The following KHSRP variants were observed in gnomAD, a reference collection of about 807,000 sequenced individuals.
KHSRP encodes the protein far upstream element-binding protein 2.
A neutral mutation model predicts 94.9 loss-of-function variants in KHSRP; 13 were observed. That is an observed-to-expected ratio of 0.14 (90% confidence interval 0.09 to 0.22). The LOEUF is 0.22. KHSRP is among the 10% of genes least tolerant of loss of function. KHSRP has a pLI of 1.00. For missense variants in KHSRP, 710 were observed against 1,010.0 expected, an observed-to-expected ratio of 0.70 and a Z score of 4.03; for synonymous variants, 495 against 401.4, an observed-to-expected ratio of 1.23 and a Z score of -2.79.
In KHSRP at chr19:6,414,276, A is replaced by G. The variant is rs2092124010; in HGVS notation, c.*748T>C. 3 of 1,444,226 alleles carry G rather than the reference A, an allele frequency of 2.1e-6. No homozygotes were observed. The African/African-American group carries it at 4.3e-5, about 21-fold the overall frequency. The allele number at this position is 1,444,226 out of a possible 1,614,324, so 89.5% of individuals were successfully genotyped here. ...TCAGGCTGGAAGGACGTGCTTGTTA[A>G]CTGTCTAGCCAGGTGCTCGCGGGAC... On this transcript the variant is annotated 3_prime_UTR_variant, in exon 19 of 19. Transcript: ENST00000600480.
chr19:6,418,023 C>T lies in KHSRP; in HGVS notation c.936G>A (p.Gly312=). ...ILRERDQGGF[G]DRNEYGSRIG... ...TCCGAGATCCGTACTCATTCCGGTC[C>T]CCAAAGCCGCCTTGGTCACGTTCCC... The change falls in exon 10 of 19, where the codon GGG becomes GGA. Residue 312 remains glycine (G), a synonymous_variant. Coordinates refer to ENST00000600480, the MANE Select transcript of KHSRP (RefSeq NM_001366299.1). This position sits in a 1 kb window ranked among gnomAD's most constrained non-coding sequence, Gnocchi z 4.3. 6.2e-7 allele frequency: 1 copy of T among 1,613,996 alleles called. No homozygotes were observed. Among genetic ancestry groups the T allele is most frequent in the Non-Finnish European group, 8.5e-7 (1 of 1,179,880 alleles).
intron 11 of KHSRP, 111 bp downstream of exon 11, chr19:6,417,628 G>C: frequency 2.6e-6 from 2 of 773,804 alleles, no homozygotes; most frequent in South Asian, 1.5e-5. Context: ...TAAGAGCCGT[G>C]AGGTGCTATG....
In KHSRP at chr19:6,415,169, G is replaced by A. The variant is rs779255957; in HGVS notation, c.2099C>T (p.Pro700Leu). ...GQTPGPGGPQ[P>L]PPTQQGQQQA... ...CTGCTGTCCCTGCTGCGTGGGCGGC[G>A]GCTGGGGGCCGCCAGGACCTGGGGT... Residue 700 changes from proline to leucine, a missense_variant, in exon 19 of 19, where the codon CCG becomes CTG. Physicochemically the swap from Pro to Leu is moderately conservative, Grantham distance 98. This residue lies in a region of KHSRP where 292 missense variants were observed against 340.5 expected (regional missense o/e 0.86). Coordinates refer to ENST00000600480, the MANE Select transcript of KHSRP (RefSeq NM_001366299.1). 24 of 1,607,902 alleles carry A rather than the reference G, an allele frequency of 1.5e-5. No homozygotes were observed. Among genetic ancestry groups the A allele is most frequent in the Non-Finnish European group, 1.2e-5 (14 of 1,179,146 alleles).
rs569826840 is a variant in KHSRP at position 6,414,548 on chromosome 19, A to T, written c.*476T>A. On this transcript the variant is annotated 3_prime_UTR_variant, in exon 19 of 19. Transcript: ENST00000600480. ...CACTTCACAGACAAGCCCGGGACAC[A>T]GGCAAGCGCGAGCGCATGGGAGGCT... The T allele has an allele frequency of 1.1e-5, 11 of 1,027,956 alleles. No homozygotes were observed. The highest frequency in any genetic ancestry group is 1.2e-5 in the Non-Finnish European group (10 of 858,034). 63.7% of individuals were successfully genotyped at this position (1,027,956 alleles called of 1,614,324 possible).
Position 6,415,175 on chromosome 19 carries a change from G to T in KHSRP, c.2093C>A (p.Pro698His). Residue 698 changes from proline (P) to histidine (H), a missense_variant, in exon 19 of 19, where the codon CCC becomes CAC. Around this residue, in one of 5 missense-constraint regions of KHSRP, gnomAD observed 292 missense variants for 340.5 expected, o/e 0.86. Transcript: ENST00000600480. ...YYGQTPGPGG[P>H]QPPPTQQGQQ... The stretch of plus-strand genomic sequence containing the variant: ...TCCCTGCTGCGTGGGCGGCGGCTGG[G>T]GGCCGCCAGGACCTGGGGTCTGTCC... The T allele has an allele frequency of 6.2e-7, 1 of 1,608,736 alleles. No homozygotes were observed. Among genetic ancestry groups the T allele is most frequent in the Non-Finnish European group, 8.5e-7 (1 of 1,179,182 alleles).
chr19:6,421,728 C>T (rs2092196050), intron 2 of KHSRP, 40 bp from the exon 3 acceptor site: 5 of 1,612,928 alleles, frequency 3.1e-6, no homozygotes, highest in Middle Eastern at 1.7e-4. Flanking sequence ...CACCCACCCA[C>T]CCACGGCCGC....
In KHSRP at chr19:6,414,780, C is replaced by T; in HGVS notation, c.*244G>A. ...TCTTCCCAAGTGGCCAGATTGTGAG[C>T]GAGGTGGTGGCGGCCGGGCCGGTGC... On this transcript the variant is annotated 3_prime_UTR_variant, in exon 19 of 19. Transcript: ENST00000600480. 8.8e-7 allele frequency: 1 copy of T among 1,134,594 alleles called. No homozygotes were observed. Among genetic ancestry groups the T allele is most frequent in the African/African-American group, 1.6e-5 (1 of 61,930 alleles). 70.3% of individuals were successfully genotyped at this position (1,134,594 alleles called of 1,614,324 possible).
Position 6,413,867 on chromosome 19 carries a change from C to A in KHSRP, c.*1157G>T. 1 of 299,942 alleles carries A rather than the reference C, an allele frequency of 3.3e-6. No individual in the cohort carries two copies. Among genetic ancestry groups the A allele is most frequent in the Non-Finnish European group, 5.9e-6 (1 of 169,484 alleles). The allele number at this position is 299,942 out of a possible 1,614,324, so 18.6% of individuals were successfully genotyped here. On this transcript the variant is annotated 3_prime_UTR_variant, in exon 19 of 19. Coordinates refer to ENST00000600480, the MANE Select transcript of KHSRP (RefSeq NM_001366299.1). ...GCAGAGATTTAGATCTCGCTATCTT[C>A]TCTGGCTGGCTCAACATGGAAGGAT...
At position 6,413,970 on chromosome 19, in the gene KHSRP, C is replaced by T. The variant is rs1448745056; in HGVS notation, c.*1054G>A. On this transcript the variant is annotated 3_prime_UTR_variant, in exon 19 of 19. Coordinates refer to ENST00000600480, the MANE Select transcript of KHSRP (RefSeq NM_001366299.1). ...GGCCCGGCATGCCCCCAAGTCCCCC[C>T]CACCCTGCTTGCCGCGAGGGCTCCC... is the stretch of plus-strand genomic sequence containing the variant. 8.8e-7 allele frequency: 1 copy of T among 1,135,112 alleles called. No homozygotes were observed. The highest frequency in any genetic ancestry group is 1.2e-6 in the Non-Finnish European group (1 of 824,230). 70.3% of individuals were successfully genotyped at this position (1,135,112 alleles called of 1,614,324 possible). A position where few individuals can be genotyped will look rare whatever the true frequency, so the allele number is the denominator to read the frequency against.
At chr19:6,421,154 T>C (rs1302471333) in intron 4 of KHSRP, 124 bp downstream of exon 4, 1 of 861,394 alleles carries the variant, frequency 1.2e-6, no homozygotes, top group African/African-American at 1.7e-5. Flanking sequence ...AGCACTCTGG[T>C]CAACTGGCAC....
Position 6,415,574 on chromosome 19 carries a change from C to G in KHSRP, c.1848G>C (p.Ser616=), listed in dbSNP as rs777396231. 6.6e-7 allele frequency: 1 copy of G among 1,520,426 alleles called. No homozygotes were observed. The highest frequency in any genetic ancestry group is 8.8e-7 in the Non-Finnish European group (1 of 1,132,990). The allele number at this position is 1,520,426 out of a possible 1,614,324, so 94.2% of individuals were successfully genotyped here. The change falls in exon 17 of 19, where the codon TCG becomes TCC. Residue 616 remains serine (S), a synonymous_variant. Coordinates refer to ENST00000600480, the MANE Select transcript of KHSRP (RefSeq NM_001366299.1). ...EPPQPPPTGQ[S]DYTKAWEEYY... is the part of the protein sequence containing the mutation. ...ACTCTTCCCAGGCCTTAGTGTAGTCCGACTGGCCGGTGGGTGGGGGCTGAG... is the reference window on the plus strand; with the variant it reads ...ACTCTTCCCAGGCCTTAGTGTAGTCGGACTGGCCGGTGGGTGGGGGCTGAG...
In KHSRP at chr19:6,413,316, A is replaced by AG. The variant is rs959301205; in HGVS notation, c.*1707dup. 7.5e-5 allele frequency: 21 copies of AG among 278,570 alleles called. No individual in the cohort carries two copies. Among genetic ancestry groups the AG allele is most frequent in the Admixed American group, 9.3e-5 (2 of 21,452 alleles). 17.3% of individuals were successfully genotyped at this position (278,570 alleles called of 1,614,324 possible). A position where few individuals can be genotyped will look rare whatever the true frequency, so the allele number is the denominator to read the frequency against. ...TTCAAAACTACAGGGAGGGAAGGAAAGGGGGGGAGACAGACAGCACCCGCA... is the reference window on the plus strand; with the variant it reads ...TTCAAAACTACAGGGAGGGAAGGAAAGGGGGGGGAGACAGACAGCACCCGCA... On this transcript the variant is annotated 3_prime_UTR_variant, in exon 19 of 19. Coordinates refer to ENST00000600480, the MANE Select transcript of KHSRP (RefSeq NM_001366299.1).
At chr19:6,419,170 C>G in intron 7 of KHSRP, 33 bp downstream of exon 7, 2 of 1,557,556 alleles carry the variant, frequency 1.3e-6, no homozygotes, top group Non-Finnish European at 1.7e-6. Context: ...GCCTGCCCCC[C>G]ACATCACAAT....
Position 6,418,641 on chromosome 19 carries a change from G to A in KHSRP, c.781-60C>T. ...CTCCCAGGACTTCCTGGGCTGCTGT[G>A]GTGGTGGCGGTGGGGTGTGGCACAC... On this transcript the variant is annotated intron_variant, in intron 8 of 18. Coordinates refer to ENST00000600480, the MANE Select transcript of KHSRP (RefSeq NM_001366299.1). This position sits in a 1 kb window ranked among gnomAD's most constrained non-coding sequence, Gnocchi z 4.3. 6.2e-7 allele frequency: 1 copy of A among 1,612,686 alleles called. No homozygotes were observed. The highest frequency in any genetic ancestry group is 8.5e-7 in the Non-Finnish European group (1 of 1,178,722).
At chr19:6,415,354 CCT>C (rs774410661) in intron 18 of KHSRP, 24 bp downstream of exon 18, 41 of 1,611,350 alleles carry the variant, frequency 2.5e-5, no homozygotes, top group Middle Eastern at 3.3e-4. Flanking sequence ...TGCCCCTGCC[CCT>C]GTCCCCGCAT....
At chr19:6,421,827 G>A (rs1341002926) in intron 2 of KHSRP, 139 bp from the exon 3 acceptor site, 3 of 964,710 alleles carry the variant, frequency 3.1e-6, no homozygotes, top group Non-Finnish European at 4.7e-6. Context: ...GAGCCCAGGA[G>A]AGACTGGCCC....
rs778651425 is a variant in KHSRP, at chr19:6,420,444, G to C, written c.453C>G (p.Val151=). 3 of 1,613,852 alleles carry C rather than the reference G, an allele frequency of 1.9e-6. No individual in the cohort carries two copies. In the African/African-American group the frequency reaches 4.0e-5, roughly 22 times the overall value. Reference sequence around the variant, plus strand: ...CACTCAGGCCCACCATGCCGTCTGGGACCCTGTACTCTTCTGTCATTGAAG... The same window carrying C: ...CACTCAGGCCCACCATGCCGTCTGGCACCCTGTACTCTTCTGTCATTGAAG... ...PRTSMTEEYR[V]PDGMVGLIIG... is the part of the protein sequence containing the mutation. Residue 151 remains valine, a synonymous_variant, in exon 5 of 19, where the codon GTC becomes GTG. Coordinates refer to ENST00000600480, the MANE Select transcript of KHSRP (RefSeq NM_001366299.1).
chr19:6,421,344 A>C (rs1213878715), intron 3 of KHSRP, 27 bp from the exon 4 acceptor site: 6 of 1,577,920 alleles, frequency 3.8e-6, no homozygotes, highest in Non-Finnish European at 5.2e-6. Context: ...CAAAGCAAAG[A>C]CTGGCTTAGC....
At position 6,418,348 on chromosome 19, in the gene KHSRP, C is replaced by T; in HGVS notation, c.879+135G>A. 1.4e-6 allele frequency: 1 copy of T among 710,858 alleles called. No individual in the cohort carries two copies. The highest frequency in any genetic ancestry group is 2.4e-6 in the Non-Finnish European group (1 of 410,696). 44.0% of individuals were successfully genotyped at this position (710,858 alleles called of 1,614,324 possible). On this transcript the variant is annotated intron_variant, in intron 9 of 18. Transcript: ENST00000600480. The surrounding 1 kb of genome is among the most constrained non-coding windows in gnomAD (Gnocchi z 4.3). Reference sequence around the variant, plus strand: ...TTCAGGGCCATCCTACGAGCCAGCGCTCTTGCAAGCCTCTTGGTGTTATGA... The same window carrying T: ...TTCAGGGCCATCCTACGAGCCAGCGTTCTTGCAAGCCTCTTGGTGTTATGA...
Sources: allele counts gnomAD v4.1 joint callset, GRCh38; gene constraint gnomAD v4.1.1; regional missense constraint gnomAD v4.1.1; non-coding constraint Gnocchi (gnomAD v3.1); transcripts MANE v1.5; gene names NCBI Gene and HGNC (gene_info 2026-07-23, HGNC 2026-07-21).